The following THSD4 variants were observed in gnomAD, a reference collection of about 807,000 sequenced individuals.
The protein encoded by THSD4 is thrombospondin type-1 domain-containing protein 4.
A neutral mutation model predicts 119.0 loss-of-function variants in THSD4; 69 were observed. The observed-to-expected ratio is 0.58, with a 90% CI of 0.48 to 0.71. THSD4 has a LOEUF of 0.71. Among genes scored for constraint, THSD4 ranks in the 30% least tolerant of loss-of-function variants. The probability of loss-of-function intolerance (pLI) is 0.00; values close to 1 mark genes in which losing one functional copy is unlikely to be tolerated. For missense variants in THSD4, 1,393 were observed against 1,391.1 expected, an observed-to-expected ratio of 1.00 and a Z score of -0.02; for synonymous variants, 524 against 540.4, an observed-to-expected ratio of 0.97 and a Z score of 0.42.
intron 7 of THSD4, among the ~76,000 whole-genome samples, chr15:71,449,762 GAAGT>G (rs1277353832): frequency 6.6e-6 from 1 of 152,190 alleles, no homozygotes; most frequent in Admixed American, 6.5e-5. Context: ...TAGCGTTTGA[GAAGT>G]AAGTAGATTT....
intron 7 of THSD4, among the ~76,000 whole-genome samples, chr15:71,645,807 T>C (rs1435338272): frequency 6.6e-6 from 1 of 152,222 alleles, no homozygotes; most frequent in Non-Finnish European, 1.5e-5. Flanking sequence ...TCAAAGCTTC[T>C]GGGAAATTGG....
At position 71,780,875 on chromosome 15, in the gene THSD4, T is replaced by C. The variant is rs2053987764; in HGVS notation, c.*3501T>C. On this transcript the variant is annotated 3_prime_UTR_variant, in exon 18 of 18. Coordinates refer to ENST00000261862, the MANE Select transcript of THSD4 (RefSeq NM_024817.3). ...GGACAGAAAAGAGAAGACACGAGCT[T>C]GGTGTATTTTCATCAAGTTATGTGG... 1 of 442,490 alleles carries C rather than the reference T, an allele frequency of 2.3e-6. No individual in the cohort carries two copies. The highest frequency in any genetic ancestry group is 7.0e-5 in the East Asian group (1 of 14,292). The allele number at this position is 442,490 out of a possible 1,614,324, so 27.4% of individuals were successfully genotyped here.
intron 6 of THSD4, among the ~76,000 whole-genome samples, chr15:71,393,004 A>C (rs1020343231): frequency 6.6e-6 from 1 of 152,198 alleles, no homozygotes; most frequent in Non-Finnish European, 1.5e-5. Context: ...TGCAGCCACA[A>C]GGGAACCTCC....
chr15:71,447,009 G>C (rs1286450789), intron 7 of THSD4, among the ~76,000 whole-genome samples: 1 of 151,778 alleles, frequency 6.6e-6, no homozygotes, highest in East Asian at 1.9e-4. Flanking sequence ...GGGGAGACAA[G>C]GACACAGGAA....
intron 7 of THSD4, among the ~76,000 whole-genome samples, chr15:71,599,837 G>A (rs1041107387): frequency 2.0e-5 from 3 of 152,204 alleles, no homozygotes; most frequent in African/African-American, 7.2e-5. Flanking sequence ...AACACTGGGA[G>A]CCGCATAAAG....
intron 13 of THSD4, among the ~76,000 whole-genome samples, chr15:71,748,083 G>A (rs2053373944): frequency 1.3e-5 from 2 of 152,104 alleles, no homozygotes; most frequent in South Asian, 2.1e-4. Context: ...AAACGGAGGT[G>A]GTATGACAGG....
At chr15:71,481,947 A>G (rs1486186500) in intron 7 of THSD4, among the ~76,000 whole-genome samples, 1 of 152,212 alleles carries the variant, frequency 6.6e-6, no homozygotes, top group African/African-American at 2.4e-5. Context: ...AAACACCAGA[A>G]TAATTGCTCA....
chr15:71,765,195 G>A lies in THSD4; in HGVS notation c.2765G>A (p.Ser922Asn), dbSNP rs758605112. ...GCCAAATGGTTTAGCACCGAATGGA[G>A]CATGGTAAGTCATGGTGCTCTTGAT... Reference protein sequence around the residue: ...CGAKWFSTEWSMCSKSCQGGF... With the variant: ...CGAKWFSTEWNMCSKSCQGGF... The change falls in exon 16 of 18, where the codon AGC becomes AAC. Residue 922 changes from serine to asparagine, a missense_variant. Coordinates refer to ENST00000261862, the MANE Select transcript of THSD4 (RefSeq NM_024817.3). 14 of 1,613,844 alleles carry A rather than the reference G, an allele frequency of 8.7e-6. No individual in the cohort carries two copies. Among genetic ancestry groups the A allele is most frequent in the South Asian group, 1.1e-5 (1 of 91,016 alleles).
At chr15:71,336,845 C>T (rs986963373) in intron 6 of THSD4, among the ~76,000 whole-genome samples, 6 of 152,316 alleles carry the variant, frequency 3.9e-5, no homozygotes, top group East Asian at 1.9e-4. Flanking sequence ...CCTGTTAAAA[C>T]GAGCTAGACT....
At position 71,141,181 on chromosome 15, in the gene THSD4, C is replaced by G. The variant is rs144765783; in HGVS notation, c.-79-268C>G. Among the ~76,000 whole-genome samples the G allele has an allele frequency of 6.6e-3, 1,011 of 152,318 alleles. 9 individuals carry two copies. The highest frequency in any genetic ancestry group is 0.023 in the African/African-American group (965 of 41,564). On this transcript the variant is annotated intron_variant, in intron 1 of 17. Transcript: ENST00000261862. ...GCACAAGTGTGCCTAGCACCAGCTC[C>G]CCTGTTAGCTCAGAGTCTGAGGTGA...
chr15:71,502,626 G>A (rs553968341), intron 7 of THSD4, among the ~76,000 whole-genome samples: 42 of 152,274 alleles, frequency 2.8e-4, no homozygotes, highest in African/African-American at 9.9e-4. Context: ...GATGATTAAA[G>A]CATTGGAACA....
intron 7 of THSD4, among the ~76,000 whole-genome samples, chr15:71,548,314 A>T (rs773961586): frequency 6.6e-6 from 1 of 152,202 alleles, no homozygotes; most frequent in Non-Finnish European, 1.5e-5. Flanking sequence ...TCCTGCATCC[A>T]TCTTCGTCTT....
At chr15:71,473,622 A>G (rs1432930603) in intron 7 of THSD4, among the ~76,000 whole-genome samples, 1 of 152,200 alleles carries the variant, frequency 6.6e-6, no homozygotes. Context: ...AATCCTATAC[A>G]GAGAAAAGAG....
rs990574639 is a variant in THSD4, at chr15:71,214,159, T to G, written c.100-876T>G. Among the ~76,000 whole-genome samples the G allele has an allele frequency of 6.0e-4, 90 of 150,132 alleles. 1 individual carries two copies. Among genetic ancestry groups the G allele is most frequent in the Non-Finnish European group, 2.7e-4 (18 of 66,720 alleles). Reference sequence around the variant, plus strand: ...TGTATATGCACCAATCAGCACTCTGTAAAATGGACCGATCAGCACTCTGTA... The same window carrying G: ...TGTATATGCACCAATCAGCACTCTGGAAAATGGACCGATCAGCACTCTGTA... On this transcript the variant is annotated intron_variant, in intron 3 of 17. Transcript: ENST00000261862.
At chr15:71,671,444 C>G (rs8026887) in intron 8 of THSD4, among the ~76,000 whole-genome samples, 38,966 of 152,050 alleles carry the variant, frequency 0.26, 5,951 homozygotes, top group East Asian at 0.73. Context: ...TGCCTGTTCA[C>G]TCTGATGGTA....
chr15:71,294,555 G>A (rs879663674), intron 6 of THSD4, among the ~76,000 whole-genome samples: 5 of 151,914 alleles, frequency 3.3e-5, no homozygotes, highest in African/African-American at 4.8e-5. Context: ...TTCCCCATCC[G>A]GACACAGGCT....
intron 16 of THSD4, among the ~76,000 whole-genome samples, chr15:71,768,832 C>A (rs1326740792): frequency 1.3e-5 from 2 of 150,344 alleles, no homozygotes; most frequent in Non-Finnish European, 3.0e-5. Flanking sequence ...CCCGCCTCTG[C>A]CTCCCAAAGT....
At chr15:71,609,862 AAAAAAG>A (rs1240492692) in intron 7 of THSD4, among the ~76,000 whole-genome samples, 1 of 149,842 alleles carries the variant, frequency 6.7e-6, no homozygotes, top group East Asian at 2.0e-4. Flanking sequence ...AAAAAAAAAA[AAAAAAG>A]AAAAAAAGAA....
intron 7 of THSD4, among the ~76,000 whole-genome samples, chr15:71,608,262 A>G (rs2050154574): frequency 7.8e-6 from 1 of 127,854 alleles, no homozygotes; most frequent in Non-Finnish European, 1.8e-5. Flanking sequence ...ACACACACAC[A>G]CACACACACA....
Sources: allele counts gnomAD v4.1 joint callset (sites outside exome capture counted in the v4.1 genomes callset), GRCh38; gene constraint gnomAD v4.1.1; transcripts MANE v1.5; gene names NCBI Gene and HGNC (gene_info 2026-07-23, HGNC 2026-07-21).